Variants in PDE10A observed in about 807,000 individuals in gnomAD.
PDE10A encodes the protein phosphodiesterase 10A.
PDE10A carries 39 observed loss-of-function variants against 97.7 expected under a neutral mutation model. The observed-to-expected ratio is 0.40, with a 90% confidence interval of 0.31 to 0.52. The LOEUF is 0.52. Ranked by LOEUF, PDE10A falls within the 20% of genes least tolerant of loss-of-function variation. The pLI, the probability that PDE10A is intolerant of heterozygous loss-of-function variation, is 0.56. For missense variants in PDE10A, 731 were observed against 1,047.8 expected (o/e 0.70, Z 4.17); for synonymous variants, 371 against 376.8 (o/e 0.98, Z 0.18).
chr6:165,391,256 T>C (rs376541766), intron 16 of PDE10A, among the ~76,000 whole-genome samples: 2 of 152,322 alleles, frequency 1.3e-5, no homozygotes, highest in African/African-American at 4.8e-5. Flanking sequence ...ATTTTGGGGA[T>C]TATTTTTCAG....
chr6:165,763,565 C>T (rs545696424), intron 1 of PDE10A, among the ~76,000 whole-genome samples: 100 of 152,292 alleles, frequency 6.6e-4, no homozygotes, highest in African/African-American at 2.1e-3. Flanking sequence ...TCAGGTGATC[C>T]GCCTGCCTTG....
intron 1 of PDE10A, among the ~76,000 whole-genome samples, chr6:165,686,122 T>C (rs113846793): frequency 8.2e-5 from 10 of 121,890 alleles, no homozygotes; most frequent in African/African-American, 2.8e-4. Context: ...CAATCTTAAA[T>C]GTGCATGGAC....
At chr6:165,952,674 G>C (rs940887199) in intron 1 of PDE10A, among the ~76,000 whole-genome samples, 1 of 152,192 alleles carries the variant, frequency 6.6e-6, no homozygotes. Context: ...AGAGAGAAAG[G>C]GCTCTGCACG....
chr6:165,634,780 C>T (rs74792812), intron 1 of PDE10A, among the ~76,000 whole-genome samples: 1,764 of 152,266 alleles, frequency 0.012, 30 homozygotes, highest in African/African-American at 0.04. Context: ...AAAAACAGAA[C>T]GGTACTCCTG....
chr6:165,726,007 A>G (rs1366574540), intron 1 of PDE10A, among the ~76,000 whole-genome samples: 1 of 152,224 alleles, frequency 6.6e-6, no homozygotes, highest in African/African-American at 2.4e-5. Flanking sequence ...CCAGAGGCCT[A>G]TGCTCATTAC....
rs1254363678 is a variant in PDE10A at position 165,671,734 on chromosome 6, CAT to C, written c.-614-128168_-614-128167del. 3.3e-5 allele frequency among the ~76,000 whole-genome samples: 5 copies of C among 152,080 alleles called. No homozygotes were observed. The South Asian group carries it at 6.2e-4, about 19-fold the overall frequency. On this transcript the variant is annotated intron_variant, in intron 1 of 19. Coordinates refer to the PDE10A transcript ENST00000366882. The surrounding 1 kb of genome is among the most constrained non-coding windows in gnomAD (Gnocchi z 4.6). ...CACATATATATAGTGTGCTTTATAT[CAT>C]ATATATGTGTGTGTTTACATATATA...
At chr6:165,901,468 CCTCCCCTGCCT>C (rs1481391857) in intron 1 of PDE10A, among the ~76,000 whole-genome samples, 1 of 152,190 alleles carries the variant, frequency 6.6e-6, no homozygotes, top group Non-Finnish European at 1.5e-5. Flanking sequence ...GCTGCCTCCA[CCTCCCCTGCCT>C]CTCATCTGGC....
At chr6:165,395,735 A>G (rs1786113640) in intron 14 of PDE10A, among the ~76,000 whole-genome samples, 1 of 152,156 alleles carries the variant, frequency 6.6e-6, no homozygotes, top group Admixed American at 6.5e-5. Flanking sequence ...TTAGACTTGA[A>G]TAAACAGTAT....
chr6:165,917,511 G>A (rs887780704), intron 1 of PDE10A, among the ~76,000 whole-genome samples: 2 of 152,190 alleles, frequency 1.3e-5, no homozygotes, highest in African/African-American at 4.8e-5. Context: ...CAGGGGTGCC[G>A]AAATGGACAC....
chr6:165,453,887 A>AAAATGTAGAGTTAC, intron 3 of PDE10A, among the ~76,000 whole-genome samples: 1 of 152,322 alleles, frequency 6.6e-6, no homozygotes, highest in Admixed American at 6.5e-5. Context: ...TACCAACTCC[A>AAAATGTAGAGTTAC]CAACTCTGGA....
chr6:165,498,472 A>C (rs2128293137), intron 2 of PDE10A, among the ~76,000 whole-genome samples: 1 of 144,508 alleles, frequency 6.9e-6, no homozygotes, highest in East Asian at 2.0e-4. Context: ...AAAAATCAGT[A>C]ACAGAGTAAG....
At chr6:165,744,883 G>A (rs969654383) in intron 1 of PDE10A, among the ~76,000 whole-genome samples, 5 of 151,212 alleles carry the variant, frequency 3.3e-5, no homozygotes, top group African/African-American at 1.2e-4. Context: ...AGTTACTTAT[G>A]TTTGATAAGC....
chr6:165,368,204 T>G (rs1322934039), intron 18 of PDE10A, among the ~76,000 whole-genome samples: 1 of 152,200 alleles, frequency 6.6e-6, no homozygotes, highest in Non-Finnish European at 1.5e-5. Flanking sequence ...CCATGTTGGC[T>G]AGGCTGGCCT....
At chr6:165,368,734 C>G (rs956179689) in intron 18 of PDE10A, among the ~76,000 whole-genome samples, 1 of 152,286 alleles carries the variant, frequency 6.6e-6, no homozygotes, top group Non-Finnish European at 1.5e-5. Flanking sequence ...GTGGTTCTCC[C>G]AGCACGTAGC....
intron 3 of PDE10A, among the ~76,000 whole-genome samples, chr6:165,458,177 C>T (rs556881017): frequency 3.9e-5 from 6 of 152,092 alleles, no homozygotes; most frequent in East Asian, 3.9e-4. Context: ...GACATAATTT[C>T]GATCTTACAG....
chr6:165,777,340 C>T (rs895439434), intron 1 of PDE10A, among the ~76,000 whole-genome samples: 4 of 152,192 alleles, frequency 2.6e-5, no homozygotes, highest in African/African-American at 4.8e-5. Context: ...GTGGGCTGAG[C>T]GCTCTGAGGG....
At chr6:165,480,046 T>C (rs1386006303) in intron 3 of PDE10A, among the ~76,000 whole-genome samples, 1 of 152,216 alleles carries the variant, frequency 6.6e-6, no homozygotes, top group Non-Finnish European at 1.5e-5. Flanking sequence ...AATTAGTCTG[T>C]AGTGTTAAGG....
chr6:165,375,944 A>C (rs752686302), intron 18 of PDE10A, among the ~76,000 whole-genome samples: 18 of 152,360 alleles, frequency 1.2e-4, no homozygotes, highest in South Asian at 6.2e-4. Flanking sequence ...GGTTCCTTTC[A>C]AAATGTTACT....
At chr6:165,417,219 A>G (rs1788379882) in intron 11 of PDE10A, among the ~76,000 whole-genome samples, 1 of 152,246 alleles carries the variant, frequency 6.6e-6, no homozygotes, top group Non-Finnish European at 1.5e-5. Context: ...CATAAAACTC[A>G]TGGTTGTCTT....
Sources: allele counts gnomAD v4.1 joint callset (sites outside exome capture counted in the v4.1 genomes callset), GRCh38; gene constraint gnomAD v4.1.1; non-coding constraint Gnocchi (gnomAD v3.1); transcripts MANE v1.5; gene names NCBI Gene and HGNC (gene_info 2026-07-23, HGNC 2026-07-21).